GRIA1: variants seen among roughly 807,000 people sequenced by gnomAD.
The protein encoded by GRIA1 is glutamate receptor 1.
A neutral mutation model predicts 99.2 loss-of-function variants in GRIA1; 31 were observed. That is an observed-to-expected ratio of 0.31 (90% CI 0.23 to 0.42). GRIA1 has a LOEUF of 0.42. GRIA1 is among the 10% of genes least tolerant of loss of function. The probability of loss-of-function intolerance (pLI) is 1.00; values close to 1 mark genes in which losing one functional copy is unlikely to be tolerated. For synonymous variants in GRIA1, 438 were observed against 432.4 expected, an observed-to-expected ratio of 1.01 and a Z score of -0.16; for missense variants, 782 against 1,157.5, an observed-to-expected ratio of 0.68 and a Z score of 4.71.
At chr5:153,808,017 C>T (rs1169479655) in intron 15 of GRIA1, among the ~76,000 whole-genome samples, 1 of 152,224 alleles carries the variant, frequency 6.6e-6, no homozygotes, top group African/African-American at 2.4e-5. Flanking sequence ...AGGGGAGCAT[C>T]CTCCACAGCA....
At chr5:153,749,635 G>A (rs1762382603) in intron 11 of GRIA1, among the ~76,000 whole-genome samples, 1 of 152,112 alleles carries the variant, frequency 6.6e-6, no homozygotes. Context: ...GACCCTTCAT[G>A]AGGGATCCAC....
intron 14 of GRIA1, among the ~76,000 whole-genome samples, chr5:153,795,294 T>C (rs1476004388): frequency 6.6e-6 from 1 of 152,004 alleles, no homozygotes; most frequent in East Asian, 1.9e-4. Context: ...GAGAAAGAAC[T>C]GTGTGAGTGT....
chr5:153,604,300 C>T (rs535012337), intron 2 of GRIA1, among the ~76,000 whole-genome samples: 3 of 152,120 alleles, frequency 2.0e-5, no homozygotes, highest in Admixed American at 6.5e-5. Flanking sequence ...TAATCAAACA[C>T]GTGAGTTACC....
chr5:153,514,139 A>G (rs1756377930), intron 2 of GRIA1, among the ~76,000 whole-genome samples: 1 of 152,186 alleles, frequency 6.6e-6, no homozygotes, highest in African/African-American at 2.4e-5. Context: ...TCACACTCTC[A>G]AGGGAGTAAA....
intron 8 of GRIA1, among the ~76,000 whole-genome samples, chr5:153,686,628 G>C: frequency 6.6e-6 from 1 of 152,316 alleles, no homozygotes; most frequent in East Asian, 1.9e-4. Context: ...TAAAGTAATT[G>C]ATGTGTATAA....
chr5:153,645,488 A>G (rs1391211517), intron 2 of GRIA1, among the ~76,000 whole-genome samples: 1 of 152,226 alleles, frequency 6.6e-6, no homozygotes, highest in Non-Finnish European at 1.5e-5. Flanking sequence ...TCACCAAAAA[A>G]AGGTCTTGGA....
At chr5:153,665,876 C>G (rs1045575167) in intron 5 of GRIA1, among the ~76,000 whole-genome samples, 9 of 152,146 alleles carry the variant, frequency 5.9e-5, no homozygotes, top group African/African-American at 2.2e-4. Flanking sequence ...ATGGTAACTT[C>G]TAAAATGCCT....
intron 13 of GRIA1, among the ~76,000 whole-genome samples, chr5:153,774,047 C>T (rs139534918): frequency 3.0e-4 from 44 of 149,006 alleles, no homozygotes; most frequent in African/African-American, 9.9e-4. Flanking sequence ...TGAGTAACCA[C>T]GCCTCTCCTA....
At chr5:153,682,036 CAA>C (rs11351483) in intron 7 of GRIA1, among the ~76,000 whole-genome samples, 62 of 133,516 alleles carry the variant, frequency 4.6e-4, no homozygotes, top group Non-Finnish European at 4.2e-4. Flanking sequence ...GAGACTATGT[CAA>C]AAAAAAAAAA....
intron 2 of GRIA1, among the ~76,000 whole-genome samples, chr5:153,517,189 C>T (rs1374553453): frequency 2.0e-5 from 3 of 152,242 alleles, no homozygotes; most frequent in East Asian, 3.9e-4. Context: ...CCCAGAGGCC[C>T]GAACCAGCGA....
At chr5:153,689,464 A>G (rs541609168) in intron 8 of GRIA1, among the ~76,000 whole-genome samples, 3 of 152,336 alleles carry the variant, frequency 2.0e-5, no homozygotes, top group African/African-American at 7.2e-5. Context: ...TAAAATATGG[A>G]TGTCGAACTG....
At chr5:153,511,304 A>G (rs1474293442) in intron 2 of GRIA1, among the ~76,000 whole-genome samples, 1 of 152,176 alleles carries the variant, frequency 6.6e-6, no homozygotes, top group Admixed American at 6.5e-5. Context: ...TTGTATGTAG[A>G]GGTGAAGTAA....
intron 2 of GRIA1, among the ~76,000 whole-genome samples, chr5:153,603,119 G>C (rs1442197480): frequency 6.7e-6 from 1 of 150,214 alleles, no homozygotes; most frequent in Non-Finnish European, 1.5e-5. Context: ...TCCCCTTCCT[G>C]TGTCCATGTG....
intron 2 of GRIA1, among the ~76,000 whole-genome samples, chr5:153,586,466 G>T (rs987311749): frequency 1.3e-5 from 2 of 152,152 alleles, no homozygotes; most frequent in Non-Finnish European, 2.9e-5. Context: ...GCCAGGATTT[G>T]AATCAAGGCA....
At chr5:153,650,695 A>G (rs1228432200) in intron 4 of GRIA1, among the ~76,000 whole-genome samples, 181 bp downstream of exon 4, 2 of 151,954 alleles carry the variant, frequency 1.3e-5, no homozygotes, top group African/African-American at 4.8e-5. Context: ...AGCACAAACA[A>G]TGGGAGCCTT....
intron 2 of GRIA1, among the ~76,000 whole-genome samples, chr5:153,495,313 C>T (rs1754306674): frequency 6.6e-6 from 1 of 152,172 alleles, no homozygotes; most frequent in Non-Finnish European, 1.5e-5. Flanking sequence ...ATTTAATCCT[C>T]ACAGGAGCTT....
chr5:153,697,242 G>A (rs546193388), intron 8 of GRIA1, among the ~76,000 whole-genome samples: 14 of 152,216 alleles, frequency 9.2e-5, no homozygotes, highest in African/African-American at 3.1e-4. Context: ...TCACTTCTGC[G>A]GCCATGTCAT....
intron 13 of GRIA1, among the ~76,000 whole-genome samples, chr5:153,782,473 T>C (rs578120439): frequency 6.6e-6 from 1 of 152,328 alleles, no homozygotes; most frequent in Admixed American, 6.5e-5. Context: ...CATATTCTCA[T>C]TTTTCAAAAG....
chr5:153,637,115 T>C (rs1323808209), intron 2 of GRIA1, among the ~76,000 whole-genome samples: 1 of 152,194 alleles, frequency 6.6e-6, no homozygotes, highest in Non-Finnish European at 1.5e-5. Context: ...TGGAACATAG[T>C]AAACACTCAA....
Sources: gnomAD v4.1 joint callset for allele counts (sites outside exome capture counted in the v4.1 genomes callset) on GRCh38, gnomAD v4.1.1 for gene constraint, MANE v1.5 for transcripts, NCBI Gene and HGNC (gene_info 2026-07-23, HGNC 2026-07-21) for gene names.